Variants in SEC16B observed in about 807,000 individuals in gnomAD.
SEC16B encodes SEC16 homolog B, endoplasmic reticulum export factor.
In SEC16B, 115 loss-of-function variants were observed where a neutral mutation model predicts 141.8. The ratio of observed to expected loss-of-function variants is 0.81; its 90% CI spans 0.70 to 0.95. The LOEUF (loss-of-function observed/expected upper bound fraction) is 0.95, where lower values mean the gene tolerates loss of function less well. SEC16B is among the 40% of genes least tolerant of loss of function. The probability of loss-of-function intolerance (pLI) is 0.00; values close to 1 mark genes in which losing one functional copy is unlikely to be tolerated. For missense variants in SEC16B, 1,291 were observed against 1,312.3 expected, an observed-to-expected ratio of 0.98 and a Z score of 0.25; for synonymous variants, 493 against 492.5, an observed-to-expected ratio of 1.00 and a Z score of -0.01.
At chr1:177,960,246 A>C in intron 8 of SEC16B, 96 bp downstream of exon 8, 1 of 836,190 alleles carries the variant, frequency 1.2e-6, no homozygotes, top group East Asian at 2.6e-5. Context: ...ATTTTTTTCC[A>C]AGGAAACCAA....
intron 15 of SEC16B, among the ~76,000 whole-genome samples, chr1:177,943,205 G>GAGACCAAAT (rs1157015904): frequency 6.6e-6 from 1 of 152,186 alleles, no homozygotes; most frequent in Non-Finnish European, 1.5e-5. Context: ...AGAGACCAAA[G>GAGACCAAAT]AGCCGGTCGA....
chr1:177,936,849 G>T (rs1367440553), intron 19 of SEC16B, among the ~76,000 whole-genome samples: 1 of 152,204 alleles, frequency 6.6e-6, no homozygotes, highest in African/African-American at 2.4e-5. Context: ...TGGAGAGCCT[G>T]ATAGTAAGCT....
intron 15 of SEC16B, among the ~76,000 whole-genome samples, chr1:177,942,832 C>T (rs1035551165): frequency 2.6e-5 from 4 of 152,096 alleles, no homozygotes; most frequent in African/African-American, 9.7e-5. Flanking sequence ...AAGCTCCATG[C>T]GAGGTGTGAA....
At chr1:177,975,913 G>A (rs1654152260) in intron 1 of SEC16B, among the ~76,000 whole-genome samples, 1 of 152,170 alleles carries the variant, frequency 6.6e-6, no homozygotes, top group African/African-American at 2.4e-5. Flanking sequence ...AAGATGCAGA[G>A]CGTCCTGTGC....
chr1:177,965,595 C>T (rs761104882), intron 3 of SEC16B, among the ~76,000 whole-genome samples: 5 of 152,184 alleles, frequency 3.3e-5, no homozygotes, highest in Non-Finnish European at 4.4e-5. Flanking sequence ...TTCACTGTTA[C>T]TTGGTCAAAG....
chr1:177,941,995 C>G lies in SEC16B; in HGVS notation c.1927G>C (p.Val643Leu). The G allele has an allele frequency of 6.2e-7, 1 of 1,613,896 alleles. No individual in the cohort carries two copies. Among genetic ancestry groups the G allele is most frequent in the Non-Finnish European group, 8.5e-7 (1 of 1,179,860 alleles). Residue 643 changes from valine to leucine, a missense_variant, in exon 16 of 26, where the codon GTG becomes CTG. Physicochemically the swap from Val to Leu is conservative, Grantham distance 32. This residue lies in a region of SEC16B where 605 missense variants were observed against 614.1 expected (regional missense o/e 0.99). Coordinates refer to ENST00000308284, the MANE Select transcript of SEC16B (RefSeq NM_033127.4). The stretch of plus-strand genomic sequence containing the variant: ...TCGCAGTAATGCAAAGCCTGGGACA[C>G]GAGGCCATAATCTGCCAGACGGGAA... ...YASRLADYGL[V>L]SQALHYCEAI...
At chr1:177,970,580 T>C (rs2102013755), upstream of SEC16B, among the ~76,000 whole-genome samples, 1 of 152,198 alleles carries the variant, frequency 6.6e-6, no homozygotes, top group East Asian at 1.9e-4. Context: ...CCAGTGTGGG[T>C]TTTTCTTATG....
rs748079845 is a variant in SEC16B, at chr1:177,937,351, G to A, written c.2366C>T (p.Ala789Val). Residue 789 changes from alanine to valine, a missense_variant, in exon 19 of 26, where the codon GCA becomes GTA. Coordinates refer to ENST00000308284, the MANE Select transcript of SEC16B (RefSeq NM_033127.4). Reference sequence around the variant, plus strand: ...AGGCCTCGGTGTCCCTGTCTGCCCTGCACCCCCTCCTGCTGGGTAGGAGCC... The same window carrying A: ...AGGCCTCGGTGTCCCTGTCTGCCCTACACCCCCTCCTGCTGGGTAGGAGCC... The part of the protein sequence containing the change: ...QPGSYPAGGG[A>V]GQTGTPRPFY... The A allele has an allele frequency of 7.4e-6, 12 of 1,613,568 alleles. No individual in the cohort carries two copies. The highest frequency in any genetic ancestry group is 4.2e-6 in the Non-Finnish European group (5 of 1,179,778).
rs191368253 is a variant in SEC16B, at chr1:177,962,873, G to A, written c.643-1139C>T. Among the ~76,000 whole-genome samples, 545 of 151,806 alleles carry A rather than the reference G, an allele frequency of 3.6e-3. 3 individuals carry two copies. The highest frequency in any genetic ancestry group is 0.034 in the Middle Eastern group (10 of 290). The stretch of plus-strand genomic sequence containing the variant: ...TGTAATCCCAGCACTTTGGGAGGCC[G>A]ACGCAGGAGGATCACCTGAGGTAAG... On this transcript the variant is annotated intron_variant, in intron 5 of 25. Transcript: ENST00000308284.
At chr1:177,952,209 T>C (rs1054279584) in intron 11 of SEC16B, among the ~76,000 whole-genome samples, 1 of 152,156 alleles carries the variant, frequency 6.6e-6, no homozygotes, top group Admixed American at 6.5e-5. Flanking sequence ...CTAGATCTCA[T>C]AGTTGAGGGT....
chr1:177,982,234 G>T (rs906156479), intron 1 of SEC16B, among the ~76,000 whole-genome samples: 4 of 152,176 alleles, frequency 2.6e-5, no homozygotes, highest in Non-Finnish European at 5.9e-5. Context: ...CTCATTGGCT[G>T]GTTTGGTGGG....
intron 1 of SEC16B, among the ~76,000 whole-genome samples, chr1:177,983,468 G>A (rs1036000542): frequency 2.0e-5 from 3 of 151,874 alleles, no homozygotes; most frequent in Non-Finnish European, 4.4e-5. Flanking sequence ...AGGTTAAGCC[G>A]CTGTTGGTCA....
chr1:177,935,382 A>C (rs898042790), intron 20 of SEC16B, among the ~76,000 whole-genome samples: 3 of 152,208 alleles, frequency 2.0e-5, no homozygotes, highest in African/African-American at 7.2e-5. Flanking sequence ...TGCCAATATT[A>C]AAAATCATAT....
At chr1:177,959,047 C>A in intron 8 of SEC16B, 72 bp from the exon 9 acceptor site, 1 of 1,513,202 alleles carries the variant, frequency 6.6e-7, no homozygotes, top group Non-Finnish European at 9.0e-7. Context: ...CCAGGCTCCT[C>A]CTAAGTGTGC....
intron 19 of SEC16B, 91 bp from the exon 20 acceptor site, chr1:177,936,456 C>A: frequency 8.9e-7 from 1 of 1,129,446 alleles, no homozygotes; most frequent in Non-Finnish European, 1.3e-6. Context: ...AATCAGCTTT[C>A]TTAACTGCAG....
chr1:177,946,798 C>A (rs533548566), intron 13 of SEC16B, among the ~76,000 whole-genome samples: 13 of 152,232 alleles, frequency 8.5e-5, no homozygotes, highest in African/African-American at 2.9e-4. Flanking sequence ...GGACTTTTTA[C>A]GAGGAATTCC....
intron 4 of SEC16B, 49 bp downstream of exon 4, chr1:177,964,998 T>A: frequency 6.2e-7 from 1 of 1,603,140 alleles, no homozygotes; most frequent in Non-Finnish European, 8.5e-7. Context: ...CCCGACATAG[T>A]CTGAGTTTGA....
intron 14 of SEC16B, among the ~76,000 whole-genome samples, 158 bp from the exon 15 acceptor site, chr1:177,944,824 C>G (rs911944538): frequency 1.3e-5 from 2 of 152,132 alleles, no homozygotes; most frequent in African/African-American, 2.4e-5. Flanking sequence ...AGACTCTGGG[C>G]TCCCAGAGTG....
Position 177,958,824 on chromosome 1 carries a change from C to G in SEC16B, c.1134+16G>C. 1 of 1,607,470 alleles carries G rather than the reference C, an allele frequency of 6.2e-7. No individual in the cohort carries two copies. The highest frequency in any genetic ancestry group is 8.5e-7 in the Non-Finnish European group (1 of 1,175,720). ...ATTTCAGCCTGCACCTGCTCTCCCA[C>G]CAGAACAGAACTTACCCCATTCTGG... On this transcript the variant is annotated intron_variant, in intron 9 of 25. Transcript: ENST00000308284.
Sources: allele counts gnomAD v4.1 joint callset (sites outside exome capture counted in the v4.1 genomes callset), GRCh38; gene constraint gnomAD v4.1.1; regional missense constraint gnomAD v4.1.1; transcripts MANE v1.5; gene names NCBI Gene and HGNC (gene_info 2026-07-23, HGNC 2026-07-21).